MR1: variants seen among roughly 807,000 people sequenced by gnomAD.
MR1 encodes the protein major histocompatibility complex class I-related protein 1.
Under a neutral mutation model 37.8 loss-of-function variants are expected in MR1, and 44 were observed. The ratio of observed to expected loss-of-function variants is 1.16; its 90% CI spans 0.91 to 1.50. The LOEUF is 1.50. MR1 is among the 40% of genes most tolerant of loss of function. The pLI, the probability that MR1 is intolerant of heterozygous loss-of-function variation, is 0.00. For missense variants in MR1, 386 were observed against 419.1 expected, an observed-to-expected ratio of 0.92 and a Z score of 0.69; for synonymous variants, 153 against 155.8, an observed-to-expected ratio of 0.98 and a Z score of 0.13.
chr1:181,040,328 G>T (rs1657493702), intron 1 of MR1, among the ~76,000 whole-genome samples: 1 of 152,160 alleles, frequency 6.6e-6, no homozygotes, highest in African/African-American at 2.4e-5. Context: ...GTCAAAAATG[G>T]TAAAATATTG....
chr1:181,034,862 G>A (rs958027293), intron 1 of MR1, among the ~76,000 whole-genome samples: 3 of 152,152 alleles, frequency 2.0e-5, no homozygotes, highest in Admixed American at 6.5e-5. Context: ...AAGGGCGAGG[G>A]GGGTGGATGA....
intron 1 of MR1, among the ~76,000 whole-genome samples, chr1:181,036,819 A>C (rs1021619318): frequency 6.6e-6 from 1 of 152,210 alleles, no homozygotes; most frequent in Non-Finnish European, 1.5e-5. Context: ...ATGTTTGCTG[A>C]GTGAATTTAT....
intron 1 of MR1, among the ~76,000 whole-genome samples, chr1:181,047,638 C>T (rs12727543): frequency 0.28 from 41,471 of 150,678 alleles, 6,376 homozygotes; most frequent in Non-Finnish European, 0.34. Context: ...TGGTTCACGC[C>T]CATAATCCCA....
chr1:181,054,468 T>C (rs1658494221), intron 5 of MR1, among the ~76,000 whole-genome samples: 1 of 152,216 alleles, frequency 6.6e-6, no homozygotes, highest in African/African-American at 2.4e-5. Context: ...TGGTTTTCCT[T>C]CATAGACATA....
At chr1:181,042,755 C>T (rs534490607) in intron 1 of MR1, among the ~76,000 whole-genome samples, 1 of 152,064 alleles carries the variant, frequency 6.6e-6, no homozygotes, top group South Asian at 2.1e-4. Context: ...CGCAGTGAGC[C>T]GAGATCACGC....
Position 181,050,115 on chromosome 1 carries a change from A to G in MR1, c.433A>G (p.Asn145Asp), listed in dbSNP as rs778762202. ...TGACGGGCAGGATTTCCTGATCTTC[A>G]ATAAAGACACCCTCTCCTGGCTGGC... is the stretch of plus-strand genomic sequence containing the variant. Reference protein sequence around the residue: ...AYDGQDFLIFNKDTLSWLAVD... With the variant: ...AYDGQDFLIFDKDTLSWLAVD... Residue 145 changes from asparagine (N) to aspartate (D), a missense_variant, in exon 3 of 6, where the codon AAT becomes GAT. Physicochemically the swap from Asn to Asp is conservative, Grantham distance 23 (BLOSUM62 1). Coordinates refer to ENST00000367580, the MANE Select transcript of MR1 (RefSeq NM_001385161.1). 3.1e-6 allele frequency: 5 copies of G among 1,614,118 alleles called. No individual in the cohort carries two copies. Among genetic ancestry groups the G allele is most frequent in the African/African-American group, 1.3e-5 (1 of 74,944 alleles).
rs1435307217 is a variant in MR1, at chr1:181,052,527, T to C, written c.880+17T>C. On this transcript the variant is annotated intron_variant, in intron 4 of 5. Coordinates refer to ENST00000367580, the MANE Select transcript of MR1 (RefSeq NM_001385161.1). ...TCCCCCAGGGTAAGGACGGGGATCGTGGCTGTCTAGGGAGAGAGCCTGGAG... is the reference window on the plus strand; with the variant it reads ...TCCCCCAGGGTAAGGACGGGGATCGCGGCTGTCTAGGGAGAGAGCCTGGAG... 6.2e-7 allele frequency: 1 copy of C among 1,606,746 alleles called. No homozygotes were observed.
intron 1 of MR1, among the ~76,000 whole-genome samples, chr1:181,040,819 C>T (rs897673586): frequency 6.6e-6 from 1 of 150,806 alleles, no homozygotes; most frequent in Admixed American, 6.6e-5. Context: ...CACGGTGGCT[C>T]ATGTCTGTAA....
intron 3 of MR1, 52 bp from the exon 4 acceptor site, chr1:181,052,183 A>G: frequency 6.4e-7 from 1 of 1,571,258 alleles, no homozygotes; most frequent in South Asian, 1.2e-5. Flanking sequence ...TTCTAATATT[A>G]TATGCTCAGT....
chr1:181,051,171 G>A (rs1396663146), intron 3 of MR1: 1 of 151,754 alleles, frequency 6.6e-6, no homozygotes, highest in Non-Finnish European at 1.5e-5. Flanking sequence ...GGAAGAGTAT[G>A]GGAAGCTCCC....
At position 181,038,079 on chromosome 1, in the gene MR1, C is replaced by A. The variant is rs189118630; in HGVS notation, c.67+4005C>A. 4.6e-5 allele frequency among the ~76,000 whole-genome samples: 7 copies of A among 152,336 alleles called. No individual in the cohort carries two copies. The East Asian group carries it at 1.3e-3, about 29-fold the overall frequency. On this transcript the variant is annotated intron_variant, in intron 1 of 5. Coordinates refer to ENST00000367580, the MANE Select transcript of MR1 (RefSeq NM_001385161.1). ...CCAATCTCCTGTCTAGAAATTATCTCACAGGGCTGGGACTTTCATGTGTTC... is the reference window on the plus strand; with the variant it reads ...CCAATCTCCTGTCTAGAAATTATCTAACAGGGCTGGGACTTTCATGTGTTC...
Position 181,061,540 on chromosome 1 carries a change from A to G in MR1, c.*6275A>G, listed in dbSNP as rs1412580611. ...GAAAAAAAAACAAGTCAATTCATTT[A>G]GACTGGTAGAACCAGAACCACTGTG... is the stretch of plus-strand genomic sequence containing the variant. On this transcript the variant is annotated 3_prime_UTR_variant, in exon 6 of 6. Transcript: ENST00000367580. 6.6e-6 allele frequency: 1 copy of G among 152,250 alleles called. No individual in the cohort carries two copies. The highest frequency in any genetic ancestry group is 1.5e-5 in the Non-Finnish European group (1 of 68,042). The allele number at this position is 152,250 out of a possible 1,614,324, so 9.4% of individuals were successfully genotyped here.
At chr1:181,052,060 A>G (rs1237056327) in intron 3 of MR1, among the ~76,000 whole-genome samples, 175 bp from the exon 4 acceptor site, 4 of 152,212 alleles carry the variant, frequency 2.6e-5, no homozygotes, top group African/African-American at 4.8e-5. Context: ...GCACCTTGCC[A>G]TCATGGAAGG....
At chr1:181,033,755 A>C (rs904016142), upstream of MR1, 4 of 375,930 alleles carry the variant, frequency 1.1e-5, no homozygotes, top group Non-Finnish European at 1.9e-5. Context: ...TGCTCCATAA[A>C]TATTTAAAAA....
Position 181,058,895 on chromosome 1 carries a change from G to T in MR1, c.*3630G>T, listed in dbSNP as rs952701780. 2.0e-5 allele frequency: 3 copies of T among 152,340 alleles called. No homozygotes were observed. In the East Asian group the frequency reaches 5.8e-4, roughly 29 times the overall value. The allele number at this position is 152,340 out of a possible 1,614,324, so 9.4% of individuals were successfully genotyped here. A position where few individuals can be genotyped will look rare whatever the true frequency, so the allele number is the denominator to read the frequency against. Reference sequence around the variant, plus strand: ...TCTCAGCTGGTCAGTACACCTTCCAGCAGGAAAATCTACATAAGAACAACT... The same window carrying T: ...TCTCAGCTGGTCAGTACACCTTCCATCAGGAAAATCTACATAAGAACAACT... On this transcript the variant is annotated 3_prime_UTR_variant, in exon 6 of 6. Transcript: ENST00000367580.
intron 1 of MR1, among the ~76,000 whole-genome samples, chr1:181,045,131 T>G (rs1217106944): frequency 1.3e-5 from 2 of 152,228 alleles, no homozygotes; most frequent in Non-Finnish European, 2.9e-5. Context: ...AGCCTCCATC[T>G]GTCATCTCAA....
intron 1 of MR1, among the ~76,000 whole-genome samples, chr1:181,039,865 CAA>C (rs35762032): frequency 1.3e-4 from 12 of 89,736 alleles, no homozygotes; most frequent in Non-Finnish European, 1.7e-4. Context: ...GACTCCATCT[CAA>C]AAAAAAAAAA....
chr1:181,043,972 T>G (rs1444386559), intron 1 of MR1, among the ~76,000 whole-genome samples: 1 of 144,378 alleles, frequency 6.9e-6, no homozygotes, highest in Non-Finnish European at 1.5e-5. Context: ...TTTTTTTTTT[T>G]TTTTTTTTTG....
intron 4 of MR1, among the ~76,000 whole-genome samples, 195 bp from the exon 5 acceptor site, chr1:181,053,378 T>A: frequency 8.3e-6 from 1 of 121,030 alleles, no homozygotes. Flanking sequence ...TGAGACGCTG[T>A]CTCAAAAAAA....
Sources: allele counts gnomAD v4.1 joint callset (sites outside exome capture counted in the v4.1 genomes callset), GRCh38; gene constraint gnomAD v4.1.1; transcripts MANE v1.5; gene names NCBI Gene and HGNC (gene_info 2026-07-23, HGNC 2026-07-21).